The following CECR2 variants were observed in gnomAD, a reference collection of about 807,000 sequenced individuals.
CECR2 encodes the protein CECR2 histone acetyl-lysine reader.
In CECR2, 30 loss-of-function variants were observed where a neutral mutation model predicts 154.5. The observed-to-expected ratio is 0.19, with a 90% CI of 0.15 to 0.26. CECR2 has a LOEUF of 0.26. Among genes scored for constraint, CECR2 ranks in the 10% least tolerant of loss-of-function variants. CECR2 has a pLI of 1.00. For missense variants in CECR2, 1,743 were observed against 1,829.3 expected (o/e 0.95, Z 0.86); for synonymous variants, 725 against 683.7 (o/e 1.06, Z -0.94).
chr22:17,433,016 T>C (rs1027113660), intron 1 of CECR2, among the ~76,000 whole-genome samples: 1 of 152,212 alleles, frequency 6.6e-6, no homozygotes, highest in Non-Finnish European at 1.5e-5. Flanking sequence ...GCATGCACTC[T>C]TATCACCGAG....
chr22:17,511,731 G>GGCGGCAGCA, intron 7 of CECR2, 82 bp from the exon 8 acceptor site: 1 of 1,233,764 alleles, frequency 8.1e-7, no homozygotes, highest in Non-Finnish European at 1.2e-6. Context: ...CTTTTTTACT[G>GGCGGCAGCA]GCGGCAGCAG....
At chr22:17,376,241 G>A (rs1489518342) in intron 1 of CECR2, among the ~76,000 whole-genome samples, 6 of 152,178 alleles carry the variant, frequency 3.9e-5, no homozygotes, top group Non-Finnish European at 7.3e-5. Context: ...GTGTGTGTGT[G>A]CCCACCATGT....
chr22:17,502,821 A>AATAAAAC lies in CECR2; in HGVS notation c.651-255_651-254insCATAAAA, dbSNP rs569495778. ...CCGTCTCAAAAAAATAAAAATAAAA[A>AATAAAAC]ATAAAAGTTACTGTTTTCTTATGCA... On this transcript the variant is annotated intron_variant, in intron 5 of 18. Coordinates refer to ENST00000262608, the MANE Select transcript of CECR2 (RefSeq NM_001290047.2). Among the ~76,000 whole-genome samples, 433 of 152,226 alleles carry AATAAAAC rather than the reference A, an allele frequency of 2.8e-3. 2 individuals carry two copies. Among genetic ancestry groups the AATAAAAC allele is most frequent in the African/African-American group, 9.8e-3 (408 of 41,532 alleles).
At chr22:17,424,201 G>A (rs969225066) in intron 1 of CECR2, among the ~76,000 whole-genome samples, 10 of 151,808 alleles carry the variant, frequency 6.6e-5, no homozygotes, top group African/African-American at 1.9e-4. Flanking sequence ...GCCTCCCCAA[G>A]TGCTGGGCTT....
chr22:17,378,169 G>C (rs1387853839), intron 1 of CECR2, among the ~76,000 whole-genome samples: 1 of 151,250 alleles, frequency 6.6e-6, no homozygotes, highest in South Asian at 2.1e-4. Flanking sequence ...GTTTTTAGTA[G>C]AGACGGGGTT....
intron 1 of CECR2, among the ~76,000 whole-genome samples, chr22:17,378,572 C>T (rs1373729757): frequency 2.0e-5 from 3 of 152,196 alleles, no homozygotes; most frequent in African/African-American, 4.8e-5. Flanking sequence ...AGGTGTGAGC[C>T]GGCCCACCTG....
Position 17,454,115 on chromosome 22 carries a change from G to C in CECR2, c.127-23473G>C, listed in dbSNP as rs796930307. On this transcript the variant is annotated intron_variant, in intron 1 of 18. Transcript: ENST00000262608. Reference sequence around the variant, plus strand: ...GCATGTAAAGAGTTTAGCACAGTGTGTAGCACATAAGAGCTCAATACAAAT... The same window carrying C: ...GCATGTAAAGAGTTTAGCACAGTGTCTAGCACATAAGAGCTCAATACAAAT... Among the ~76,000 whole-genome samples the C allele has an allele frequency of 1.6e-4, 24 of 152,324 alleles. 1 individual carries two copies. The highest frequency in any genetic ancestry group is 5.1e-4 in the African/African-American group (21 of 41,556).
rs140628281 is a variant in CECR2, at chr22:17,375,872, T to C, written c.126+5963T>C. Reference sequence around the variant, plus strand: ...TGGGAGGCTGAGGCAGGAGAATTCATTGGAGCCGGGAGACGGAGGTTGCGG... The same window carrying C: ...TGGGAGGCTGAGGCAGGAGAATTCACTGGAGCCGGGAGACGGAGGTTGCGG... On this transcript the variant is annotated intron_variant, in intron 1 of 18. Coordinates refer to ENST00000262608, the MANE Select transcript of CECR2 (RefSeq NM_001290047.2). Among the ~76,000 whole-genome samples, 1,379 of 151,876 alleles carry C rather than the reference T, an allele frequency of 9.1e-3. 21 individuals carry two copies. The highest frequency in any genetic ancestry group is 0.032 in the African/African-American group (1,309 of 41,378).
At chr22:17,539,145 G>A (rs1282971550) in intron 13 of CECR2, 26 bp downstream of exon 13, 1 of 1,608,910 alleles carries the variant, frequency 6.2e-7, no homozygotes, top group East Asian at 2.2e-5. Context: ...GTTTGTGCTA[G>A]ATACATATCT....
intron 4 of CECR2, 71 bp from the exon 5 acceptor site, chr22:17,500,560 T>TA: frequency 8.7e-7 from 1 of 1,146,040 alleles, no homozygotes. Flanking sequence ...TGGCCAGAAA[T>TA]ACTGTTTTAA....
At chr22:17,430,354 C>T (rs1234745639) in intron 1 of CECR2, among the ~76,000 whole-genome samples, 1 of 152,116 alleles carries the variant, frequency 6.6e-6, no homozygotes, top group African/African-American at 2.4e-5. Flanking sequence ...TTTCTGCACC[C>T]TCCCTCTCTT....
chr22:17,486,979 C>G (rs1324459683), intron 2 of CECR2, among the ~76,000 whole-genome samples: 1 of 152,126 alleles, frequency 6.6e-6, no homozygotes, highest in Non-Finnish European at 1.5e-5. Flanking sequence ...TGATGCTGCA[C>G]GCTGCTGGTC....
chr22:17,487,150 A>G (rs921817481), intron 2 of CECR2, among the ~76,000 whole-genome samples: 1 of 152,240 alleles, frequency 6.6e-6, no homozygotes, highest in Non-Finnish European at 1.5e-5. Context: ...CGTTCTTTGC[A>G]ACACTACATA....
chr22:17,492,904 T>C (rs1423463634), intron 2 of CECR2, among the ~76,000 whole-genome samples: 2 of 152,176 alleles, frequency 1.3e-5, no homozygotes, highest in South Asian at 2.1e-4. Context: ...CTTAAAAATA[T>C]GTACACATTA....
chr22:17,541,828 A>T lies in CECR2; in HGVS notation c.1885-11A>T. On this transcript the variant is annotated splice_polypyrimidine_tract_variant and intron_variant, in intron 14 of 18. Transcript: ENST00000262608. ...CTTTTTCCTCTTCTTGCTTTGTTCA[A>T]TGTGCTGCAGAGGCCAGCAGTACCA... 6.2e-7 allele frequency: 1 copy of T among 1,605,180 alleles called. No homozygotes were observed. Among genetic ancestry groups the T allele is most frequent in the Non-Finnish European group, 8.5e-7 (1 of 1,175,674 alleles).
Position 17,494,082 on chromosome 22 carries a change from C to G in CECR2, c.222-3321C>G, listed in dbSNP as rs79960382. On this transcript the variant is annotated intron_variant, in intron 2 of 18. Coordinates refer to ENST00000262608, the MANE Select transcript of CECR2 (RefSeq NM_001290047.2). ...TAAAAAAGCAGTTTTTAAAAAAACA[C>G]TTTTTCATTTTCTTTCTTTCTTTCT... Among the ~76,000 whole-genome samples, 673 of 151,964 alleles carry G rather than the reference C, an allele frequency of 4.4e-3. 5 individuals carry two copies. The highest frequency in any genetic ancestry group is 0.015 in the African/African-American group (638 of 41,222).
upstream of CECR2, among the ~76,000 whole-genome samples, chr22:17,369,113 C>T (rs1304314803): frequency 6.6e-6 from 1 of 152,138 alleles, no homozygotes; most frequent in African/African-American, 2.4e-5. Flanking sequence ...ACCGAAAGGA[C>T]CACCCCGCGG....
At chr22:17,533,216 A>T (rs2056386023) in intron 9 of CECR2, among the ~76,000 whole-genome samples, 1 of 151,226 alleles carries the variant, frequency 6.6e-6, no homozygotes, top group Admixed American at 6.6e-5. Flanking sequence ...GCTACTTGAG[A>T]GGCTGAGGCA....
intron 7 of CECR2, among the ~76,000 whole-genome samples, chr22:17,511,571 T>C (rs1364215522): frequency 6.6e-6 from 1 of 151,904 alleles, no homozygotes; most frequent in Non-Finnish European, 1.5e-5. Flanking sequence ...TTGCCAGTGA[T>C]ACATATTATA....
Sources: allele counts gnomAD v4.1 joint callset (sites outside exome capture counted in the v4.1 genomes callset), GRCh38; gene constraint gnomAD v4.1.1; transcripts MANE v1.5; gene names NCBI Gene and HGNC (gene_info 2026-07-23, HGNC 2026-07-21).